The following AFF1 variants were observed in gnomAD, a reference collection of about 807,000 sequenced individuals.
The protein encoded by AFF1 is ALF transcription elongation factor 1.
A neutral mutation model predicts 121.7 loss-of-function variants in AFF1; 48 were observed. The ratio of observed to expected loss-of-function variants is 0.39; its 90% CI spans 0.31 to 0.50. AFF1 has a LOEUF of 0.50. Ranked by LOEUF, AFF1 falls within the 20% of genes least tolerant of loss-of-function variation. The pLI is 0.76. For missense variants in AFF1, 1,523 were observed against 1,511.7 expected, an observed-to-expected ratio of 1.01 and a Z score of -0.12; for synonymous variants, 613 against 563.0, an observed-to-expected ratio of 1.09 and a Z score of -1.26.
chr4:87,042,139 G>C (rs1401973019), intron 2 of AFF1, among the ~76,000 whole-genome samples: 3 of 152,074 alleles, frequency 2.0e-5, no homozygotes, highest in Admixed American at 6.5e-5. Context: ...TTTAAACAGT[G>C]ATGTGTATAG....
intron 2 of AFF1, among the ~76,000 whole-genome samples, chr4:86,990,918 G>A (rs889009570): frequency 6.6e-6 from 1 of 152,140 alleles, no homozygotes; most frequent in Non-Finnish European, 1.5e-5. Flanking sequence ...TTCGGAGGCC[G>A]AGGTGGGTGG....
intron 2 of AFF1, among the ~76,000 whole-genome samples, chr4:86,996,440 C>A (rs1725205785): frequency 6.6e-6 from 1 of 150,782 alleles, no homozygotes. Flanking sequence ...ACCCTGTGCT[C>A]TCTGAAACAT....
chr4:87,064,488 T>A (rs1293348834), intron 4 of AFF1, among the ~76,000 whole-genome samples: 1 of 152,210 alleles, frequency 6.6e-6, no homozygotes, highest in Non-Finnish European at 1.5e-5. Context: ...ACGCCTGTAA[T>A]CCCAACACTT....
chr4:87,114,987 C>T lies in AFF1; in HGVS notation c.2154C>T (p.Gly718=). 6.2e-7 allele frequency: 1 copy of T among 1,613,850 alleles called. No individual in the cohort carries two copies. Among genetic ancestry groups the T allele is most frequent in the African/African-American group, 1.3e-5 (1 of 75,052 alleles). The stretch of plus-strand genomic sequence containing the variant: ...TTGTTCCCCTGACTGAGAGCCAGGG[C>T]CCACCCCACAGTGGCAGCGGCAGCA... ...FALVPLTESQ[G]PPHSGSGSRT... is the part of the protein sequence containing the mutation. The change falls in exon 12 of 21, where the codon GGC becomes GGT. Residue 718 remains glycine (G), a synonymous_variant. Coordinates refer to ENST00000395146, the MANE Select transcript of AFF1 (RefSeq NM_001166693.3).
chr4:87,067,846 A>G (rs150185792), intron 4 of AFF1, among the ~76,000 whole-genome samples: 231 of 152,350 alleles, frequency 1.5e-3, no homozygotes, highest in African/African-American at 5.0e-3. Flanking sequence ...GTTTGGATGC[A>G]CAGAGCATGG....
intron 1 of AFF1, among the ~76,000 whole-genome samples, chr4:86,946,509 C>T (rs1232540769): frequency 2.8e-5 from 4 of 142,040 alleles, no homozygotes; most frequent in Non-Finnish European, 6.1e-5. Context: ...ACCTCAGCCT[C>T]TTAAGTAGAG....
intron 1 of AFF1, among the ~76,000 whole-genome samples, chr4:86,944,561 G>A (rs778134161): frequency 1.3e-5 from 2 of 152,108 alleles, no homozygotes; most frequent in African/African-American, 2.4e-5. Context: ...AACCAGGATC[G>A]TCTTGATTTC....
chr4:87,004,451 A>G (rs1235284603), intron 2 of AFF1, among the ~76,000 whole-genome samples: 4 of 152,116 alleles, frequency 2.6e-5, no homozygotes, highest in African/African-American at 4.8e-5. Flanking sequence ...TATAAAACCA[A>G]TTTTCCAAAA....
intron 4 of AFF1, among the ~76,000 whole-genome samples, chr4:87,066,817 C>T (rs998912616): frequency 3.3e-5 from 5 of 152,216 alleles, no homozygotes; most frequent in African/African-American, 1.2e-4. Context: ...ACCTCAGCCT[C>T]TGCCCTGGCT....
At chr4:86,952,060 G>A (rs1330927447) in intron 2 of AFF1, among the ~76,000 whole-genome samples, 1 of 151,344 alleles carries the variant, frequency 6.6e-6, no homozygotes, top group East Asian at 1.9e-4. Flanking sequence ...GCTGTCTTTT[G>A]CTCCATTGAT....
At chr4:87,061,314 G>A (rs1323859804) in intron 4 of AFF1, among the ~76,000 whole-genome samples, 1 of 152,212 alleles carries the variant, frequency 6.6e-6, no homozygotes, top group Non-Finnish European at 1.5e-5. Context: ...CCTCCAGGCT[G>A]AGGACCTATT....
chr4:87,079,790 G>A (rs1043199620), intron 4 of AFF1, among the ~76,000 whole-genome samples: 4 of 152,108 alleles, frequency 2.6e-5, no homozygotes, highest in African/African-American at 9.7e-5. Context: ...TTTAAAAACT[G>A]GCATAATACC....
intron 8 of AFF1, among the ~76,000 whole-genome samples, chr4:87,097,158 C>T (rs1489620502): frequency 1.3e-5 from 2 of 152,192 alleles, no homozygotes; most frequent in African/African-American, 4.8e-5. Flanking sequence ...TGACCATTGT[C>T]TTTGGGGCAG....
chr4:86,957,378 C>A (rs1721817942), intron 2 of AFF1, among the ~76,000 whole-genome samples: 1 of 152,040 alleles, frequency 6.6e-6, no homozygotes, highest in African/African-American at 2.4e-5. Context: ...GCTGGGGAAC[C>A]ATTATTTCAA....
intron 2 of AFF1, among the ~76,000 whole-genome samples, chr4:86,948,883 T>C (rs191289506): frequency 2.6e-5 from 4 of 152,268 alleles, no homozygotes; most frequent in Non-Finnish European, 5.9e-5. Context: ...GGGGAAAGCA[T>C]ACACATGTTC....
In AFF1 at chr4:87,134,645, C is replaced by A. The variant is rs2230859; in HGVS notation, c.3486C>A (p.Thr1162=). The change falls in exon 20 of 21, where the codon ACC becomes ACA. Residue 1162 remains threonine (T), a synonymous_variant. Transcript: ENST00000395146. ...TCACCATCACATCCCATGTTCTTAC[C>A]GCCTTTGACCTTTGGGAACAGGCCG... The part of the protein sequence containing the change: ...SYVTITSHVL[T]AFDLWEQAEA... 6.2e-7 allele frequency: 1 copy of A among 1,614,108 alleles called. No homozygotes were observed. The highest frequency in any genetic ancestry group is 8.5e-7 in the Non-Finnish European group (1 of 1,180,022).
intron 8 of AFF1, among the ~76,000 whole-genome samples, chr4:87,104,836 A>G (rs1428867022): frequency 3.3e-5 from 5 of 152,042 alleles, no homozygotes; most frequent in African/African-American, 4.8e-5. Context: ...GAATGCCTAC[A>G]GATACATTAA....
At chr4:87,105,960 G>A in intron 10 of AFF1, 115 bp downstream of exon 10, 1 of 1,317,464 alleles carries the variant, frequency 7.6e-7, no homozygotes, top group Middle Eastern at 1.9e-4. Flanking sequence ...GGAGCTGAAG[G>A]ATCACAGTAA....
chr4:86,945,992 A>C (rs1169951066), intron 1 of AFF1, among the ~76,000 whole-genome samples: 1 of 152,134 alleles, frequency 6.6e-6, no homozygotes, highest in Non-Finnish European at 1.5e-5. Context: ...CACATTGTAC[A>C]TTTTATTTAG....
Sources: allele counts gnomAD v4.1 joint callset (sites outside exome capture counted in the v4.1 genomes callset), GRCh38; gene constraint gnomAD v4.1.1; transcripts MANE v1.5; gene names NCBI Gene and HGNC (gene_info 2026-07-23, HGNC 2026-07-21).